Variants in KCNN3 observed in about 807,000 individuals in gnomAD.
KCNN3 encodes potassium calcium-activated channel subfamily N member 3, also known as small conductance calcium-activated potassium channel protein 3.
In KCNN3, 16 loss-of-function variants were observed where a neutral mutation model predicts 62.9. The observed-to-expected ratio is 0.25, with a 90% CI of 0.17 to 0.39. KCNN3 has a LOEUF of 0.39. KCNN3 is among the 10% of genes least tolerant of loss of function. The pLI is 1.00. For missense variants in KCNN3, 599 were observed against 949.4 expected (o/e 0.63, Z 4.85); for synonymous variants, 370 against 389.2 (o/e 0.95, Z 0.58).
chr1:154,803,994 G>A (rs1230666521), intron 2 of KCNN3, among the ~76,000 whole-genome samples: 1 of 152,194 alleles, frequency 6.6e-6, no homozygotes, highest in African/African-American at 2.4e-5. Context: ...GTGCAACTCT[G>A]CATTTTCCTT....
chr1:154,825,978 G>A (rs1361224356), intron 1 of KCNN3, among the ~76,000 whole-genome samples: 6 of 151,272 alleles, frequency 4.0e-5, no homozygotes, highest in African/African-American at 1.5e-4. Flanking sequence ...AACCCGGGAG[G>A]CGGAGCTTGC....
At chr1:154,808,490 CTT>C (rs1174730077) in intron 2 of KCNN3, among the ~76,000 whole-genome samples, 3 of 152,294 alleles carry the variant, frequency 2.0e-5, no homozygotes, top group South Asian at 2.1e-4. Context: ...CCTCCACACC[CTT>C]GTCCTCAGCA....
intron 3 of KCNN3, among the ~76,000 whole-genome samples, chr1:154,755,946 GGGA>G (rs1428266664): frequency 8.7e-5 from 12 of 137,482 alleles, no homozygotes; most frequent in South Asian, 4.6e-4. Flanking sequence ...GGATGGGGAG[GGGA>G]GGAGGAGGAG....
intron 1 of KCNN3, among the ~76,000 whole-genome samples, chr1:154,841,031 AGGCCC>A (rs1651803506): frequency 2.0e-5 from 3 of 152,168 alleles, no homozygotes; most frequent in Non-Finnish European, 4.4e-5. Flanking sequence ...CTGCGGGGTC[AGGCCC>A]CGACCTAATC....
rs529945871 is a variant in KCNN3 at position 154,715,210 on chromosome 1, G to T, written c.1702-207C>A. On this transcript the variant is annotated intron_variant, in intron 5 of 7. Coordinates refer to ENST00000271915, the MANE Select transcript of KCNN3 (RefSeq NM_002249.6). ...CTCAGAACTTTGGGAGGCCGAGGCG[G>T]GTGGATCACCTGAGGTCAGGAGTTC... Among the ~76,000 whole-genome samples, 244 of 152,196 alleles carry T rather than the reference G, an allele frequency of 1.6e-3. 6 individuals are homozygous for T. The highest frequency in any genetic ancestry group is 2.4e-4 in the Non-Finnish European group (16 of 68,008).
At chr1:154,749,966 T>C (rs930512860) in intron 3 of KCNN3, among the ~76,000 whole-genome samples, 2 of 152,178 alleles carry the variant, frequency 1.3e-5, no homozygotes, top group Non-Finnish European at 2.9e-5. Context: ...CACATTTCCC[T>C]GCTTTCTGGG....
intron 2 of KCNN3, among the ~76,000 whole-genome samples, chr1:154,804,610 A>T (rs1230602477): frequency 1.3e-5 from 2 of 152,190 alleles, no homozygotes; most frequent in African/African-American, 4.8e-5. Context: ...GGCACTGAGT[A>T]GGGAATCGGT....
intron 5 of KCNN3, among the ~76,000 whole-genome samples, chr1:154,721,724 G>A (rs1302476689): frequency 6.6e-6 from 1 of 151,986 alleles, no homozygotes; most frequent in African/African-American, 2.4e-5. Context: ...TGGCACCCAG[G>A]GAGTGGCCTC....
At chr1:154,779,670 G>A (rs1322047455) in intron 2 of KCNN3, among the ~76,000 whole-genome samples, 2 of 152,228 alleles carry the variant, frequency 1.3e-5, no homozygotes, top group African/African-American at 2.4e-5. Context: ...AATGGGCAGG[G>A]GGGCCGCTGG....
chr1:154,844,073 G>A (rs972980047), intron 1 of KCNN3, among the ~76,000 whole-genome samples: 1 of 152,222 alleles, frequency 6.6e-6, no homozygotes, highest in Non-Finnish European at 1.5e-5. Flanking sequence ...GCTTGCAGAA[G>A]GGGACTCCAC....
intron 1 of KCNN3, among the ~76,000 whole-genome samples, chr1:154,831,853 A>G (rs1431026337): frequency 6.6e-6 from 1 of 152,056 alleles, no homozygotes; most frequent in Non-Finnish European, 1.5e-5. Flanking sequence ...TATGTCAATG[A>G]CTTTGACAAG....
rs1358890485 is a variant in KCNN3 at position 154,700,793 on chromosome 1, A to G, written c.*7183T>C. ...ACTCCAGCCTGGGCGACAGAGTGAG[A>G]CTCCATCTCAAAATAATAATAATAA... On this transcript the variant is annotated 3_prime_UTR_variant, in exon 8 of 8. Transcript: ENST00000271915. The G allele has an allele frequency of 2.0e-5, 3 of 152,116 alleles. No individual in the cohort carries two copies. Among genetic ancestry groups the G allele is most frequent in the Non-Finnish European group, 4.4e-5 (3 of 68,032 alleles). 9.4% of individuals were successfully genotyped at this position (152,116 alleles called of 1,614,324 possible). A position where few individuals can be genotyped will look rare whatever the true frequency, so the allele number is the denominator to read the frequency against.
chr1:154,714,837 T>G, intron 6 of KCNN3, 39 bp downstream of exon 6: 1 of 1,612,376 alleles, frequency 6.2e-7, no homozygotes. Flanking sequence ...CCACTCCCAG[T>G]CTGGTCATCT....
At chr1:154,766,416 T>TTATATATATATATATATATATA (rs373253800) in intron 3 of KCNN3, among the ~76,000 whole-genome samples, 1,492 of 71,510 alleles carry the variant, frequency 0.021, 137 homozygotes, top group Middle Eastern at 0.037. Context: ...TAGCCAGGCT[T>TTATATATATATATATATATATA]TATATATATA....
At chr1:154,781,673 G>A (rs1390893155) in intron 2 of KCNN3, among the ~76,000 whole-genome samples, 1 of 152,160 alleles carries the variant, frequency 6.6e-6, no homozygotes, top group Non-Finnish European at 1.5e-5. Context: ...AGTGTTTGGG[G>A]TCTGGTTCAA....
chr1:154,756,691 C>A (rs1471744954), intron 3 of KCNN3, among the ~76,000 whole-genome samples: 5 of 152,296 alleles, frequency 3.3e-5, no homozygotes, highest in South Asian at 2.1e-4. Flanking sequence ...GAGTAGGATC[C>A]CAATCCAATG....
At chr1:154,812,026 C>G (rs1650427011) in intron 2 of KCNN3, among the ~76,000 whole-genome samples, 1 of 152,162 alleles carries the variant, frequency 6.6e-6, no homozygotes, top group East Asian at 1.9e-4. Context: ...TGTGCACTGG[C>G]CCCCCTGCGG....
At chr1:154,815,557 C>T (rs1327678252) in intron 2 of KCNN3, among the ~76,000 whole-genome samples, 1 of 152,196 alleles carries the variant, frequency 6.6e-6, no homozygotes, top group Admixed American at 6.5e-5. Flanking sequence ...AAACCAATTT[C>T]CAAAGGCAGG....
intron 3 of KCNN3, among the ~76,000 whole-genome samples, chr1:154,766,501 C>T (rs950327553): frequency 1.4e-5 from 2 of 139,498 alleles, no homozygotes; most frequent in African/African-American, 2.6e-5. Context: ...GTGTGCCCCA[C>T]ATTGGAGGTT....
Sources: allele counts gnomAD v4.1 joint callset (sites outside exome capture counted in the v4.1 genomes callset), GRCh38; gene constraint gnomAD v4.1.1; transcripts MANE v1.5; gene names NCBI Gene and HGNC (gene_info 2026-07-23, HGNC 2026-07-21).